Variants in ARHGEF3 observed in about 807,000 individuals in gnomAD.
ARHGEF3 encodes Rho guanine nucleotide exchange factor 3.
ARHGEF3 carries 28 observed loss-of-function variants against 63.2 expected under a neutral mutation model. The observed-to-expected ratio is 0.44, with a 90% CI of 0.33 to 0.61. The LOEUF (loss-of-function observed/expected upper bound fraction) is 0.61. Among genes scored for constraint, ARHGEF3 ranks in the 20% least tolerant of loss-of-function variants. The probability of loss-of-function intolerance (pLI) is 0.03; values close to 1 mark genes in which losing one functional copy is unlikely to be tolerated. For synonymous variants in ARHGEF3, 266 were observed against 254.2 expected (o/e 1.05, Z -0.44); for missense variants, 533 against 659.3 (o/e 0.81, Z 2.10).
intron 2 of ARHGEF3, among the ~76,000 whole-genome samples, chr3:57,024,346 C>T (rs1347081804): frequency 1.3e-5 from 2 of 150,820 alleles, no homozygotes; most frequent in Non-Finnish European, 3.0e-5. Context: ...TCTCCCTTAG[C>T]CACCATACCT....
intron 3 of ARHGEF3, among the ~76,000 whole-genome samples, chr3:56,928,676 AACTGAGAC>A (rs540645888): frequency 6.3e-4 from 96 of 152,272 alleles, no homozygotes; most frequent in African/African-American, 2.3e-3. Context: ...ATATTAGATG[AACTGAGAC>A]ACAGCAGGGT....
chr3:56,741,907 AT>A (rs1158316373), intron 7 of ARHGEF3, among the ~76,000 whole-genome samples: 1 of 152,190 alleles, frequency 6.6e-6, no homozygotes, highest in African/African-American at 2.4e-5. Flanking sequence ...GTAGTTGCCC[AT>A]TTAAATTAAA....
intron 4 of ARHGEF3, among the ~76,000 whole-genome samples, chr3:56,829,254 C>T (rs1211547812): frequency 6.6e-6 from 1 of 152,060 alleles, no homozygotes; most frequent in African/African-American, 2.4e-5. Flanking sequence ...TGTACAATTG[C>T]CCTCCATCCA....
chr3:57,072,525 G>C (rs1161668016), intron 1 of ARHGEF3, among the ~76,000 whole-genome samples: 7 of 151,794 alleles, frequency 4.6e-5, no homozygotes, highest in African/African-American at 1.7e-4. Flanking sequence ...AGGATTGCTT[G>C]AGCTCAGGGG....
intron 3 of ARHGEF3, among the ~76,000 whole-genome samples, chr3:56,913,660 A>G (rs1182601030): frequency 6.6e-6 from 1 of 152,216 alleles, no homozygotes; most frequent in Non-Finnish European, 1.5e-5. Context: ...TTCTGGGTAT[A>G]TACTCAAAAA....
intron 4 of ARHGEF3, among the ~76,000 whole-genome samples, chr3:56,870,531 C>A (rs1307109617): frequency 6.6e-6 from 1 of 152,066 alleles, no homozygotes; most frequent in South Asian, 2.1e-4. Context: ...CTGTATGAAA[C>A]CATAATGGTG....
intron 2 of ARHGEF3, chr3:56,975,806 T>A: frequency 2.3e-6 from 1 of 431,676 alleles, no homozygotes; most frequent in African/African-American, 2.1e-5. Flanking sequence ...TCTCTTTACA[T>A]GAAGTATAAC....
At chr3:56,989,519 T>C (rs987274160) in intron 2 of ARHGEF3, among the ~76,000 whole-genome samples, 1 of 152,204 alleles carries the variant, frequency 6.6e-6, no homozygotes, top group South Asian at 2.1e-4. Flanking sequence ...CCAGCAGGTC[T>C]GTGCCCAGGG....
intron 8 of ARHGEF3, among the ~76,000 whole-genome samples, chr3:56,734,638 G>A (rs2033473348): frequency 1.3e-5 from 2 of 152,050 alleles, no homozygotes; most frequent in African/African-American, 4.8e-5. Flanking sequence ...TGGGATAGTG[G>A]GAGCACATTC....
chr3:56,981,852 C>G (rs1254406801), intron 2 of ARHGEF3, among the ~76,000 whole-genome samples: 3 of 152,196 alleles, frequency 2.0e-5, no homozygotes, highest in African/African-American at 7.2e-5. Context: ...CACTGCCCAG[C>G]ATTTAGTCCC....
chr3:56,809,341 A>G (rs2037979324), intron 4 of ARHGEF3, among the ~76,000 whole-genome samples: 1 of 152,224 alleles, frequency 6.6e-6, no homozygotes, highest in Admixed American at 6.5e-5. Flanking sequence ...ACCAGGGAAG[A>G]GGGAATTTTT....
intron 4 of ARHGEF3, among the ~76,000 whole-genome samples, chr3:56,844,242 G>A (rs2039410832): frequency 6.6e-6 from 1 of 152,178 alleles, no homozygotes. Flanking sequence ...TATGGATACT[G>A]CACCCTGTGG....
intron 4 of ARHGEF3, among the ~76,000 whole-genome samples, chr3:56,824,308 G>A (rs1463247321): frequency 1.3e-5 from 2 of 152,158 alleles, no homozygotes; most frequent in Admixed American, 1.3e-4. Flanking sequence ...ATTTTGGAGG[G>A]GGAAGGAGTA....
intron 4 of ARHGEF3, among the ~76,000 whole-genome samples, chr3:56,811,694 G>A (rs1030831824): frequency 1.3e-5 from 2 of 152,080 alleles, no homozygotes; most frequent in East Asian, 1.9e-4. Context: ...AACATAGTTC[G>A]CATGTGCCCA....
intron 3 of ARHGEF3, among the ~76,000 whole-genome samples, chr3:56,754,692 T>C (rs564136219): frequency 6.6e-6 from 1 of 152,374 alleles, no homozygotes; most frequent in Non-Finnish European, 1.5e-5. Context: ...TAACAAAATA[T>C]AACTAAAATG....
intron 3 of ARHGEF3, among the ~76,000 whole-genome samples, chr3:56,884,047 C>G (rs1420166101): frequency 6.6e-6 from 1 of 152,142 alleles, no homozygotes; most frequent in African/African-American, 2.4e-5. Context: ...GGTTAAGGAC[C>G]TCACACTCAT....
At chr3:56,925,347 C>T (rs1347458244) in intron 3 of ARHGEF3, among the ~76,000 whole-genome samples, 1 of 152,196 alleles carries the variant, frequency 6.6e-6, no homozygotes, top group East Asian at 1.9e-4. Context: ...CTGAGCTACC[C>T]TAGACACTGT....
chr3:56,967,879 T>C (rs1444323153), intron 2 of ARHGEF3, among the ~76,000 whole-genome samples: 1 of 73,138 alleles, frequency 1.4e-5, no homozygotes, highest in Admixed American at 2.7e-4. Context: ...TAATATATAA[T>C]ATAAATATAT....
At chr3:56,929,594 C>G (rs1223813915) in intron 3 of ARHGEF3, among the ~76,000 whole-genome samples, 2 of 152,142 alleles carry the variant, frequency 1.3e-5, no homozygotes, top group African/African-American at 4.8e-5. Flanking sequence ...ATGGACCACA[C>G]TTTGAGAACC....
Sources: gnomAD v4.1 joint callset for allele counts (sites outside exome capture counted in the v4.1 genomes callset) on GRCh38, gnomAD v4.1.1 for gene constraint, MANE v1.5 for transcripts, NCBI Gene and HGNC (gene_info 2026-07-23, HGNC 2026-07-21) for gene names.